The following SCARA5 variants were observed in gnomAD, a reference collection of about 807,000 sequenced individuals.
The protein encoded by SCARA5 is scavenger receptor class A member 5, also known as scavenger receptor class A, member 5 (putative).
In SCARA5, 45 loss-of-function variants were observed where a neutral mutation model predicts 46.3. The ratio of observed to expected loss-of-function variants is 0.97; its 90% CI spans 0.76 to 1.24. SCARA5 has a LOEUF of 1.24. SCARA5 is among the 50% of genes most tolerant of loss of function. SCARA5 has a pLI of 0.00. For synonymous variants in SCARA5, 333 were observed against 306.5 expected, an observed-to-expected ratio of 1.09 and a Z score of -0.90; for missense variants, 680 against 689.0, an observed-to-expected ratio of 0.99 and a Z score of 0.15.
At chr8:27,967,799 G>A (rs945341820) in intron 2 of SCARA5, among the ~76,000 whole-genome samples, 2 of 152,156 alleles carry the variant, frequency 1.3e-5, no homozygotes, top group Non-Finnish European at 2.9e-5. Flanking sequence ...TGTAATCCCA[G>A]CTACTTGGGA....
chr8:27,951,001 ACAT>A (rs1443973766), intron 3 of SCARA5, among the ~76,000 whole-genome samples: 1 of 152,136 alleles, frequency 6.6e-6, no homozygotes, highest in East Asian at 1.9e-4. Flanking sequence ...GGTGCTTAAT[ACAT>A]CATCTCATCT....
At chr8:27,976,131 T>G in intron 2 of SCARA5, among the ~76,000 whole-genome samples, 3 of 144,558 alleles carry the variant, frequency 2.1e-5, no homozygotes, top group Admixed American at 6.9e-5. Context: ...GGCTGAGGGG[T>G]GGAGAGAGGA....
intron 2 of SCARA5, among the ~76,000 whole-genome samples, chr8:27,973,410 G>A (rs958544331): frequency 6.6e-6 from 1 of 152,122 alleles, no homozygotes; most frequent in African/African-American, 2.4e-5. Context: ...CCAGGGGGCG[G>A]AGATTGCAGT....
chr8:27,986,513 G>A (rs1808707302), intron 2 of SCARA5, among the ~76,000 whole-genome samples: 1 of 152,136 alleles, frequency 6.6e-6, no homozygotes, highest in Admixed American at 6.5e-5. Context: ...TTGTCAATTG[G>A]AATCCAGAAG....
At chr8:27,977,083 A>G (rs1808536200) in intron 2 of SCARA5, among the ~76,000 whole-genome samples, 1 of 152,158 alleles carries the variant, frequency 6.6e-6, no homozygotes, top group African/African-American at 2.4e-5. Context: ...AGGTGTCTAC[A>G]CAGCCGCCCC....
intron 3 of SCARA5, among the ~76,000 whole-genome samples, chr8:27,962,508 T>C (rs2685406): frequency 1.3e-5 from 2 of 151,918 alleles, no homozygotes; most frequent in African/African-American, 2.4e-5. Context: ...CCAATAAAGG[T>C]TGATGGCATT....
intron 3 of SCARA5, among the ~76,000 whole-genome samples, chr8:27,937,021 C>T (rs1807868214): frequency 6.6e-6 from 1 of 152,188 alleles, no homozygotes; most frequent in African/African-American, 2.4e-5. Context: ...TGTCTGAAAT[C>T]ATTACCAGCA....
chr8:27,915,757 C>T (rs1439314646), intron 4 of SCARA5, among the ~76,000 whole-genome samples: 1 of 152,194 alleles, frequency 6.6e-6, no homozygotes, highest in East Asian at 1.9e-4. Flanking sequence ...TTCAGCCAAT[C>T]ATCTCCCCTC....
intron 2 of SCARA5, among the ~76,000 whole-genome samples, chr8:27,974,126 C>A (rs955339948): frequency 6.6e-6 from 1 of 152,064 alleles, no homozygotes; most frequent in African/African-American, 2.4e-5. Flanking sequence ...GAACCTTGAA[C>A]CTCTACAGCC....
chr8:27,906,104 G>A (rs2129755948), intron 6 of SCARA5, among the ~76,000 whole-genome samples: 1 of 152,340 alleles, frequency 6.6e-6, no homozygotes, highest in South Asian at 2.1e-4. Flanking sequence ...GAAAACCTCA[G>A]CCTGTTTCAT....
At position 27,921,924 on chromosome 8, in the gene SCARA5, A is replaced by AG; in HGVS notation, c.562dup (p.Leu188ProfsTer8). 1 of 1,532,750 alleles carries AG rather than the reference A, an allele frequency of 6.5e-7. No individual in the cohort carries two copies. The highest frequency in any genetic ancestry group is 8.7e-7 in the Non-Finnish European group (1 of 1,148,222). 94.9% of individuals were successfully genotyped at this position (1,532,750 alleles called of 1,614,324 possible). On this transcript the variant is annotated frameshift_variant, in exon 4 of 9. Transcript: ENST00000354914. LOFTEE classifies it high-confidence loss of function. ...CTGGCTACTGTTGCTCTCCACCTGC[A>AG]GCTGGTAGAGCTCCAGCTGCGCCGT...
chr8:27,918,502 AAAAGAG>A, intron 4 of SCARA5, among the ~76,000 whole-genome samples: 1 of 9,268 alleles, frequency 1.1e-4, no homozygotes, highest in Non-Finnish European at 2.4e-4. Flanking sequence ...AGGAGGAGGA[AAAAGAG>A]GAAAAGGAGG....
chr8:27,894,884 A>T (rs2129716496), intron 7 of SCARA5, among the ~76,000 whole-genome samples: 1 of 152,300 alleles, frequency 6.6e-6, no homozygotes, highest in East Asian at 1.9e-4. Context: ...GATGGTGTGG[A>T]ATGAATGAGT....
chr8:27,885,895 T>G (rs1021514797), intron 7 of SCARA5: 1 of 154,134 alleles, frequency 6.5e-6, no homozygotes, highest in African/African-American at 2.4e-5. Flanking sequence ...ATAGAAGTGA[T>G]AGAAGAATAT....
At chr8:27,877,064 T>G (rs1360399361) in intron 8 of SCARA5, among the ~76,000 whole-genome samples, 1 of 152,180 alleles carries the variant, frequency 6.6e-6, no homozygotes, top group Non-Finnish European at 1.5e-5. Context: ...GGGCTGGGCT[T>G]GGTCAGCTCT....
At chr8:27,908,330 C>A (rs190522276) in intron 5 of SCARA5, among the ~76,000 whole-genome samples, 1 of 151,100 alleles carries the variant, frequency 6.6e-6, no homozygotes, top group East Asian at 2.0e-4. Context: ...GCCCCTTGGC[C>A]ACCTCCTGCG....
At position 27,892,708 on chromosome 8, in the gene SCARA5, A is replaced by G. The variant is rs529383590; in HGVS notation, c.1153+12070T>C. Among the ~76,000 whole-genome samples the G allele has an allele frequency of 4.1e-5, 6 of 146,704 alleles. No individual in the cohort carries two copies. In the South Asian group the frequency reaches 1.1e-3, roughly 26 times the overall value. ...CACTCAAGCCCCGCCTCCGGGGTTCACGCTATTCTGCCTCAGCCTCCCGAG... is the reference window on the plus strand; with the variant it reads ...CACTCAAGCCCCGCCTCCGGGGTTCGCGCTATTCTGCCTCAGCCTCCCGAG... On this transcript the variant is annotated intron_variant, in intron 7 of 8. Coordinates refer to ENST00000354914, the MANE Select transcript of SCARA5 (RefSeq NM_173833.6).
At chr8:27,902,196 G>A (rs149439684) in intron 7 of SCARA5, among the ~76,000 whole-genome samples, 26 of 152,302 alleles carry the variant, frequency 1.7e-4, no homozygotes, top group African/African-American at 5.8e-4. Context: ...TGCAATGAGG[G>A]TGTAGCTCTT....
At chr8:27,929,688 G>T (rs1366463667) in intron 3 of SCARA5, among the ~76,000 whole-genome samples, 1 of 152,168 alleles carries the variant, frequency 6.6e-6, no homozygotes, top group African/African-American at 2.4e-5. Context: ...CAAACCTACT[G>T]CTGGGATGGT....
Sources: allele counts gnomAD v4.1 joint callset (sites outside exome capture counted in the v4.1 genomes callset), GRCh38; gene constraint gnomAD v4.1.1; transcripts MANE v1.5; gene names NCBI Gene and HGNC (gene_info 2026-07-23, HGNC 2026-07-21).